The following UBN2 variants were observed in gnomAD, a reference collection of about 807,000 sequenced individuals.
UBN2 encodes the protein ubinuclein 2, also known as ubinuclein-2.
Under a neutral mutation model 120.2 loss-of-function variants are expected in UBN2, and 35 were observed. The observed-to-expected ratio is 0.29, with a 90% CI of 0.22 to 0.39. The LOEUF (loss-of-function observed/expected upper bound fraction) is 0.39. Among genes scored for constraint, UBN2 ranks in the 10% least tolerant of loss-of-function variants. The probability of loss-of-function intolerance (pLI) is 1.00; values close to 1 mark genes in which losing one functional copy is unlikely to be tolerated. For missense variants in UBN2, 1,693 were observed against 1,663.2 expected (o/e 1.02, Z -0.31); for synonymous variants, 661 against 648.7 (o/e 1.02, Z -0.29).
At chr7:139,235,706 C>T (rs1796146945) in intron 1 of UBN2, among the ~76,000 whole-genome samples, 1 of 152,186 alleles carries the variant, frequency 6.6e-6, no homozygotes, top group South Asian at 2.1e-4. Flanking sequence ...TGCGCCTGGC[C>T]TTTCATTGGT....
Position 139,284,386 on chromosome 7 carries a change from A to G in UBN2, c.3481A>G (p.Asn1161Asp), listed in dbSNP as rs752162998. 6.2e-7 allele frequency: 1 copy of G among 1,614,232 alleles called. No individual in the cohort carries two copies. The highest frequency in any genetic ancestry group is 8.5e-7 in the Non-Finnish European group (1 of 1,180,042). Residue 1161 changes from asparagine (N) to aspartate (D), a missense_variant, in exon 15 of 18, where the codon AAC (asparagine) becomes GAC (aspartate). By Grantham distance (23) the Asn-to-Asp change is conservative (BLOSUM62 1). Coordinates refer to ENST00000473989, the MANE Select transcript of UBN2 (RefSeq NM_173569.4). ...ATCATCCACTGGAACTGTTGGGAAG[A>G]ACAGCTTGAGTGGAATTGCAATGAA... ...NSSSTGTVGK[N>D]SLSGIAMNVP...
At chr7:139,328,859 GAA>G in the UBN2 span, among the ~76,000 whole-genome samples, 4 of 114,938 alleles carry the variant, frequency 3.5e-5, no homozygotes, top group Admixed American at 9.3e-5. Flanking sequence ...CCTGTCTCAA[GAA>G]AAAAAAAAAA....
At chr7:139,278,602 C>T (rs1325720723) in intron 12 of UBN2, among the ~76,000 whole-genome samples, 4 of 150,898 alleles carry the variant, frequency 2.7e-5, no homozygotes, top group South Asian at 2.1e-4. Flanking sequence ...AGGTCGTTTC[C>T]CTAAATGGCC....
intron 15 of UBN2, among the ~76,000 whole-genome samples, chr7:139,285,085 T>A (rs1192133753): frequency 6.6e-6 from 1 of 152,238 alleles, no homozygotes; most frequent in Non-Finnish European, 1.5e-5. Context: ...TGCTTAATTT[T>A]GTAGTTATAT....
chr7:139,329,186 ATT>A, the UBN2 span, among the ~76,000 whole-genome samples: 431 of 134,744 alleles, frequency 3.2e-3, 4 homozygotes, highest in African/African-American at 0.011. Flanking sequence ...TGAGCAAAAG[ATT>A]TTTTTTTTTT....
At chr7:139,248,724 A>G (rs1324554184) in intron 2 of UBN2, among the ~76,000 whole-genome samples, 1 of 152,030 alleles carries the variant, frequency 6.6e-6, no homozygotes, top group Non-Finnish European at 1.5e-5. Context: ...GGATTTTTAT[A>G]TATTTATTAG....
chr7:139,247,536 CTG>C (rs991506929), intron 2 of UBN2, among the ~76,000 whole-genome samples: 1 of 152,208 alleles, frequency 6.6e-6, no homozygotes, highest in African/African-American at 2.4e-5. Context: ...CACCTATTTT[CTG>C]TGTGACCTTA....
At chr7:139,243,867 G>A (rs1321472511) in intron 2 of UBN2, among the ~76,000 whole-genome samples, 1 of 152,200 alleles carries the variant, frequency 6.6e-6, no homozygotes, top group Non-Finnish European at 1.5e-5. Context: ...AGCTACTCAG[G>A]TTTGGGTGTG....
rs1157308348 is a variant in UBN2, at chr7:139,301,579, A to T, written c.*3743A>T. On this transcript the variant is annotated 3_prime_UTR_variant, in exon 18 of 18. Transcript: ENST00000473989. ...TTATTTCTAGGATGTTTTGTCCTCT[A>T]GTTTGACTCATGTATAGAATTAGGA... The T allele has an allele frequency of 6.6e-6, 1 of 152,144 alleles. No homozygotes were observed. The highest frequency in any genetic ancestry group is 2.4e-5 in the African/African-American group (1 of 41,422). 9.4% of individuals were successfully genotyped at this position (152,144 alleles called of 1,614,324 possible).
chr7:139,248,848 C>T (rs1475960967), intron 2 of UBN2, among the ~76,000 whole-genome samples: 2 of 152,020 alleles, frequency 1.3e-5, no homozygotes, highest in Non-Finnish European at 1.5e-5. Context: ...TTTCCTTTTC[C>T]TGAATGCTGA....
intron 3 of UBN2, among the ~76,000 whole-genome samples, chr7:139,253,767 A>T (rs917492838): frequency 3.3e-5 from 5 of 152,258 alleles, no homozygotes; most frequent in Non-Finnish European, 7.3e-5. Flanking sequence ...CATGTACTAG[A>T]GTAATCTAAT....
rs552050672 is a variant in UBN2, at chr7:139,270,549, G to A, written c.1596+1026G>A. On this transcript the variant is annotated intron_variant, in intron 8 of 17. Transcript: ENST00000473989. Reference sequence around the variant, plus strand: ...CTCCCAAAGTGCTAGGATTACAGGCGTGAGCCACCGTGCCTGGCCAGAAAC... The same window carrying A: ...CTCCCAAAGTGCTAGGATTACAGGCATGAGCCACCGTGCCTGGCCAGAAAC... Among the ~76,000 whole-genome samples, 11 of 152,218 alleles carry A rather than the reference G, an allele frequency of 7.2e-5. No individual in the cohort carries two copies. The South Asian group carries it at 1.2e-3, about 17-fold the overall frequency.
In UBN2 at chr7:139,272,423, T is replaced by G. The variant is rs927582918; in HGVS notation, c.1698T>G (p.Ser566Arg). 4 of 1,613,044 alleles carry G rather than the reference T, an allele frequency of 2.5e-6. No individual in the cohort carries two copies. Among genetic ancestry groups the G allele is most frequent in the Non-Finnish European group, 3.4e-6 (4 of 1,179,700 alleles). ...FKYQEDCQAR[S>R]QAKCAKLQTD... ...ACCAGGAGGACTGCCAGGCTCGTAG[T>G]CAAGCTAAGTGTGCCAAGTATGTAT... Residue 566 changes from serine to arginine, a missense_variant, in exon 9 of 18, where the codon AGT becomes AGG. By Grantham distance (110) the Ser-to-Arg change is moderately radical. Coordinates refer to ENST00000473989, the MANE Select transcript of UBN2 (RefSeq NM_173569.4).
At chr7:139,291,749 G>A (rs952311650) in intron 15 of UBN2, among the ~76,000 whole-genome samples, 2 of 152,234 alleles carry the variant, frequency 1.3e-5, no homozygotes, top group African/African-American at 4.8e-5. Context: ...AGCTACTTGG[G>A]AGGCTGAGGT....
At chr7:139,310,872 C>G (rs1490233196), downstream of UBN2, among the ~76,000 whole-genome samples, 1 of 152,196 alleles carries the variant, frequency 6.6e-6, no homozygotes, top group African/African-American at 2.4e-5. Flanking sequence ...AGAGGTCTGT[C>G]TGGTTCTTTG....
At chr7:139,237,833 C>T (rs537342576) in intron 2 of UBN2, among the ~76,000 whole-genome samples, 27 of 152,072 alleles carry the variant, frequency 1.8e-4, no homozygotes, top group African/African-American at 6.3e-4. Flanking sequence ...ACCTTCCTGC[C>T]TCCTAAGAGT....
chr7:139,276,544 G>A (rs564812033), intron 12 of UBN2: 172 of 183,978 alleles, frequency 9.3e-4, no homozygotes, highest in African/African-American at 3.9e-3. Context: ...ACTGCAGAGT[G>A]TTTTATTCCA....
intron 1 of UBN2, among the ~76,000 whole-genome samples, chr7:139,232,698 T>C (rs1397911460): frequency 2.0e-5 from 3 of 152,242 alleles, no homozygotes; most frequent in Non-Finnish European, 4.4e-5. Flanking sequence ...ACCCGTCATA[T>C]TATTTAAGTG....
chr7:139,284,525 A>G lies in UBN2; in HGVS notation c.3620A>G (p.His1207Arg). 4 of 1,613,942 alleles carry G rather than the reference A, an allele frequency of 2.5e-6. No homozygotes were observed. Among genetic ancestry groups the G allele is most frequent in the East Asian group, 2.2e-5 (1 of 44,890 alleles). The change falls in exon 15 of 18, where the codon CAT becomes CGT. Residue 1207 changes from histidine to arginine, a missense_variant. His to Arg is a conservative substitution (Grantham distance 29). Transcript: ENST00000473989. ...GCTACCAAACCATTGTCTACTCCAC[A>G]TAGACCATCCACTGCCTCAGGGTCT... ...QGATKPLSTPHRPSTASGSSV... is the reference protein window; with the variant it reads ...QGATKPLSTPRRPSTASGSSV...
Sources: allele counts gnomAD v4.1 joint callset (sites outside exome capture counted in the v4.1 genomes callset), GRCh38; gene constraint gnomAD v4.1.1; transcripts MANE v1.5; gene names NCBI Gene and HGNC (gene_info 2026-07-23, HGNC 2026-07-21).